COL13A1: variants seen among roughly 807,000 people sequenced by gnomAD.
COL13A1 encodes the protein collagen type XIII alpha 1 chain, also known as collagen alpha-1(XIII) chain.
COL13A1 carries 89 observed loss-of-function variants against 130.9 expected under a neutral mutation model. That is an observed-to-expected ratio of 0.68 (90% CI 0.57 to 0.81). The LOEUF is 0.81. Ranked by LOEUF, COL13A1 falls within the 30% of genes least tolerant of loss-of-function variation. The pLI is 0.00. For synonymous variants in COL13A1, 402 were observed against 341.6 expected (o/e 1.18, Z -1.95); for missense variants, 879 against 934.6 (o/e 0.94, Z 0.78).
chr10:69,937,927 C>T (rs982801325), intron 34 of COL13A1, among the ~76,000 whole-genome samples: 6 of 152,228 alleles, frequency 3.9e-5, no homozygotes, highest in African/African-American at 1.2e-4. Flanking sequence ...AAAGGCAATG[C>T]TGAAGAAGAC....
rs140728775 is a variant in COL13A1 at position 69,838,234 on chromosome 10, G to A, written c.364+15796G>A. Among the ~76,000 whole-genome samples, 3 of 152,378 alleles carry A rather than the reference G, an allele frequency of 2.0e-5. No individual in the cohort carries two copies. The East Asian group carries it at 5.8e-4, about 29-fold the overall frequency. On this transcript the variant is annotated intron_variant, in intron 2 of 40. Transcript: ENST00000645393. ...CAGGCCTAGACAGGATCTGGTAGGA[G>A]CCTGGGCTTTAGAGACAGAGCCTAA...
chr10:69,952,847 G>A (rs753166277), intron 38 of COL13A1, 35 bp from the exon 39 acceptor site: 1 of 1,402,064 alleles, frequency 7.1e-7, no homozygotes, highest in South Asian at 1.3e-5. Flanking sequence ...TTAAAGTTTT[G>A]ATGTTTTTTT....
intron 2 of COL13A1, among the ~76,000 whole-genome samples, chr10:69,835,323 A>T (rs1849765836): frequency 6.6e-6 from 1 of 152,102 alleles, no homozygotes; most frequent in Non-Finnish European, 1.5e-5. Flanking sequence ...CTGCTTGGGC[A>T]GTTATAAGAG....
intron 38 of COL13A1, among the ~76,000 whole-genome samples, chr10:69,949,654 C>T (rs74139247): frequency 3.9e-4 from 59 of 152,300 alleles, no homozygotes; most frequent in African/African-American, 1.2e-3. Flanking sequence ...GGGACACACA[C>T]GCCAGTGGAA....
At chr10:69,804,500 C>G (rs1166779889) in intron 1 of COL13A1, among the ~76,000 whole-genome samples, 1 of 152,070 alleles carries the variant, frequency 6.6e-6, no homozygotes, top group Non-Finnish European at 1.5e-5. Flanking sequence ...TTTTCAACTG[C>G]TAGATATGAA....
At chr10:69,912,416 C>A (rs1382487661) in intron 17 of COL13A1, among the ~76,000 whole-genome samples, 2 of 152,160 alleles carry the variant, frequency 1.3e-5, no homozygotes, top group African/African-American at 2.4e-5. Flanking sequence ...AGGAACTGAG[C>A]TGCCTTTTTC....
rs1589615007 is a variant in COL13A1, at chr10:69,932,860, G to T, written c.1728+256G>T. On this transcript the variant is annotated intron_variant, in intron 31 of 40. Transcript: ENST00000645393. Reference sequence around the variant, plus strand: ...ATACGAAAATAAACAGAACTTGCCGGGCACGGTGGCTCACGCCTGTAATCC... The same window carrying T: ...ATACGAAAATAAACAGAACTTGCCGTGCACGGTGGCTCACGCCTGTAATCC... Among the ~76,000 whole-genome samples, 3 of 152,212 alleles carry T rather than the reference G, an allele frequency of 2.0e-5. 1 individual carries two copies. Among genetic ancestry groups the T allele is most frequent in the Non-Finnish European group, 4.4e-5 (3 of 68,006 alleles).
chr10:69,913,535 C>T lies in COL13A1; in HGVS notation c.922-3754C>T, dbSNP rs533424088. 2.0e-5 allele frequency among the ~76,000 whole-genome samples: 3 copies of T among 152,158 alleles called. No homozygotes were observed. The East Asian group carries it at 5.8e-4, about 29-fold the overall frequency. ...AGACAGGCTCACACAAAGACATGCC[C>T]CAAGGAACAGTCCTCTGAACAGAGG... On this transcript the variant is annotated intron_variant, in intron 17 of 40. Transcript: ENST00000645393.
At chr10:69,820,813 G>A (rs1387968290) in intron 1 of COL13A1, among the ~76,000 whole-genome samples, 1 of 152,122 alleles carries the variant, frequency 6.6e-6, no homozygotes, top group Non-Finnish European at 1.5e-5. Flanking sequence ...TCCTCCAGCA[G>A]GTGGAGCGGG....
At chr10:69,887,783 T>C (rs747057324) in intron 8 of COL13A1, among the ~76,000 whole-genome samples, 5 of 152,118 alleles carry the variant, frequency 3.3e-5, no homozygotes, top group Non-Finnish European at 5.9e-5. Context: ...CCTGGGAATA[T>C]AGAATGGACG....
At chr10:69,930,173 GC>G in intron 29 of COL13A1, 86 bp downstream of exon 29, 1 of 1,414,554 alleles carries the variant, frequency 7.1e-7, no homozygotes, top group Non-Finnish European at 9.9e-7. Flanking sequence ...TCTAGAATTG[GC>G]CCTGGTGTGA....
At chr10:69,925,490 C>G (rs1006547480) in intron 25 of COL13A1, among the ~76,000 whole-genome samples, 5 of 152,180 alleles carry the variant, frequency 3.3e-5, no homozygotes, top group African/African-American at 1.2e-4. Context: ...ACAGGCTTGA[C>G]CTTGGGGTCT....
At position 69,948,401 on chromosome 10, in the gene COL13A1, G is replaced by A. The variant is rs1214212452; in HGVS notation, c.2058+1059G>A. Among the ~76,000 whole-genome samples, 7 of 152,092 alleles carry A rather than the reference G, an allele frequency of 4.6e-5. No homozygotes were observed. In the East Asian group the frequency reaches 1.3e-3, roughly 29 times the overall value. On this transcript the variant is annotated intron_variant, in intron 38 of 40. Transcript: ENST00000645393. ...CCATTTTCCTAAGTGCTCTTCACTGGCAGCTGGTCAAAAGCAACTCAGTTT... is the reference window on the plus strand; with the variant it reads ...CCATTTTCCTAAGTGCTCTTCACTGACAGCTGGTCAAAAGCAACTCAGTTT...
intron 4 of COL13A1, among the ~76,000 whole-genome samples, chr10:69,872,646 A>C (rs1253335475): frequency 6.6e-6 from 1 of 152,190 alleles, no homozygotes; most frequent in East Asian, 1.9e-4. Flanking sequence ...GTTTTCTCTC[A>C]ATTACCACGT....
rs191796599 is a variant in COL13A1, at chr10:69,880,440, C to T, written c.463-63C>T. Reference sequence around the variant, plus strand: ...TCCTTCCCTTTGGTTCCTCTCTTTCCCGCTCCTCTTCTCCATACCTCCCTG... The same window carrying T: ...TCCTTCCCTTTGGTTCCTCTCTTTCTCGCTCCTCTTCTCCATACCTCCCTG... On this transcript the variant is annotated intron_variant, in intron 6 of 40. Coordinates refer to ENST00000645393, the MANE Select transcript of COL13A1 (RefSeq NM_001368882.1). The T allele has an allele frequency of 1.2e-4, 116 of 960,644 alleles. No homozygotes were observed. The African/African-American group carries it at 1.6e-3, about 13-fold the overall frequency. The allele number at this position is 960,644 out of a possible 1,614,324, so 59.5% of individuals were successfully genotyped here. A position where few individuals can be genotyped will look rare whatever the true frequency, so the allele number is the denominator to read the frequency against.
At chr10:69,810,382 C>G (rs74968467) in intron 1 of COL13A1, among the ~76,000 whole-genome samples, 7,740 of 93,718 alleles carry the variant, frequency 0.083, 325 homozygotes, top group Admixed American at 0.14. Flanking sequence ...GAGAGAGAGA[C>G]AGAGAGTCTG....
At chr10:69,905,893 C>G in intron 17 of COL13A1, 71 bp downstream of exon 17, 2 of 1,534,474 alleles carry the variant, frequency 1.3e-6, no homozygotes, top group South Asian at 1.2e-5. Flanking sequence ...GACCTCAGAC[C>G]CAAGAGGGTC....
At chr10:69,908,879 A>G (rs981308027) in intron 17 of COL13A1, among the ~76,000 whole-genome samples, 5 of 152,148 alleles carry the variant, frequency 3.3e-5, no homozygotes, top group Non-Finnish European at 7.4e-5. Flanking sequence ...GTGCCAATGA[A>G]TAAACTCTAC....
At chr10:69,937,316 C>T (rs555781135) in intron 33 of COL13A1, among the ~76,000 whole-genome samples, 1 of 152,334 alleles carries the variant, frequency 6.6e-6, no homozygotes, top group Admixed American at 6.5e-5. Flanking sequence ...GCATCTCAGG[C>T]ATCTGAGCAA....
Sources: gnomAD v4.1 joint callset for allele counts (sites outside exome capture counted in the v4.1 genomes callset) on GRCh38, gnomAD v4.1.1 for gene constraint, MANE v1.5 for transcripts, NCBI Gene and HGNC (gene_info 2026-07-23, HGNC 2026-07-21) for gene names.